The following ZC3H11A variants were observed in gnomAD, a reference collection of about 807,000 sequenced individuals.
ZC3H11A encodes the protein zinc finger CCCH-type containing 11A, also known as zinc finger CCCH domain-containing protein 11A.
A neutral mutation model predicts 90.8 loss-of-function variants in ZC3H11A; 22 were observed. The observed-to-expected ratio is 0.24, with a 90% CI of 0.17 to 0.35. The LOEUF (loss-of-function observed/expected upper bound fraction) is 0.35, where lower values mean the gene tolerates loss of function less well. ZC3H11A is among the 10% of genes least tolerant of loss of function. The pLI is 1.00. For synonymous variants in ZC3H11A, 294 were observed against 339.8 expected (o/e 0.87, Z 1.48); for missense variants, 701 against 964.9 (o/e 0.73, Z 3.62).
chr1:203,847,753 G>T (rs981668747), intron 13 of ZC3H11A, 66 bp downstream of exon 13: 1 of 1,552,870 alleles, frequency 6.4e-7, no homozygotes, highest in African/African-American at 1.4e-5. Flanking sequence ...TGTTCCGTGG[G>T]ATCTTCCTAG....
At chr1:203,846,850 A>G (rs1263382308) in intron 12 of ZC3H11A, among the ~76,000 whole-genome samples, 1 of 152,034 alleles carries the variant, frequency 6.6e-6, no homozygotes, top group African/African-American at 2.4e-5. Flanking sequence ...TTGAAATAGA[A>G]ACAATTAGCC....
At chr1:203,838,348 T>C (rs1685016673) in intron 11 of ZC3H11A, among the ~76,000 whole-genome samples, 1 of 152,246 alleles carries the variant, frequency 6.6e-6, no homozygotes, top group Non-Finnish European at 1.5e-5. Context: ...CACAGTGTTA[T>C]GGTAACACAT....
intron 4 of ZC3H11A, among the ~76,000 whole-genome samples, chr1:203,826,551 C>T (rs572340226): frequency 1.3e-5 from 2 of 152,194 alleles, no homozygotes; most frequent in Admixed American, 1.3e-4. Context: ...CTTCCACGTC[C>T]CTGAAAACAG....
At chr1:203,804,448 G>A (rs192655796) in intron 2 of ZC3H11A, among the ~76,000 whole-genome samples, 15 of 152,016 alleles carry the variant, frequency 9.9e-5, no homozygotes, top group Admixed American at 8.5e-4. Context: ...CACCACGCCC[G>A]GCCCTTCCTG....
At chr1:203,844,029 G>A (rs1478269941) in intron 12 of ZC3H11A, among the ~76,000 whole-genome samples, 3 of 151,364 alleles carry the variant, frequency 2.0e-5, no homozygotes, top group Admixed American at 2.0e-4. Flanking sequence ...GGCTAATTTT[G>A]TATTTTTAGT....
intron 2 of ZC3H11A, chr1:203,805,665 C>T (rs7532505): frequency 0.14 from 95,640 of 702,590 alleles, 9,002 homozygotes; most frequent in Admixed American, 0.32. Context: ...ACCAGAACTC[C>T]ATCCTTGTTT....
chr1:203,847,461 T>A lies in ZC3H11A; in HGVS notation c.1320T>A (p.Ile440=), dbSNP rs1688198573. 6.2e-7 allele frequency: 1 copy of A among 1,613,714 alleles called. No individual in the cohort carries two copies. Among genetic ancestry groups the A allele is most frequent in the Non-Finnish European group, 8.5e-7 (1 of 1,179,842 alleles). Residue 440 remains isoleucine, a synonymous_variant, in exon 13 of 18, where the codon ATT becomes ATA. Coordinates refer to ENST00000367210, the MANE Select transcript of ZC3H11A (RefSeq NM_001376342.1). ...TCAAGCTAAAGATTGATAGTGAAAT[T>A]AAAAAAACAGTAGTTTTGCCACCCA... is the stretch of plus-strand genomic sequence containing the variant. ...TCIKLKIDSE[I]KKTVVLPPIV... is the part of the protein sequence containing the mutation.
At chr1:203,796,472 G>T in intron 1 of ZC3H11A, 1 of 399,022 alleles carries the variant, frequency 2.5e-6, no homozygotes, top group South Asian at 1.3e-4. Context: ...CCGTAATGAA[G>T]AACACCCCTA....
chr1:203,819,067 C>CA (rs747588582), intron 4 of ZC3H11A, among the ~76,000 whole-genome samples: 31 of 97,214 alleles, frequency 3.2e-4, no homozygotes, highest in Admixed American at 5.5e-4. Context: ...CACTCCGTCT[C>CA]AAAAAAAAAA....
intron 1 of ZC3H11A, chr1:203,797,507 T>G: frequency 1.4e-6 from 2 of 1,475,152 alleles, no homozygotes; most frequent in Non-Finnish European, 1.8e-6. Flanking sequence ...GTACGAATTG[T>G]GGAGACATAA....
intron 11 of ZC3H11A, among the ~76,000 whole-genome samples, 156 bp from the exon 12 acceptor site, chr1:203,840,150 G>T (rs532589798): frequency 1.3e-5 from 2 of 150,334 alleles, no homozygotes; most frequent in East Asian, 2.0e-4. Flanking sequence ...TGTTGGCCAG[G>T]CTGGCCTTGA....
At position 203,800,434 on chromosome 1, in the gene ZC3H11A, A is replaced by G. The variant is rs1034167533; in HGVS notation, c.-1587-1141A>G. 109 of 1,453,444 alleles carry G rather than the reference A, an allele frequency of 7.5e-5. No homozygotes were observed. In the African/African-American group the frequency reaches 1.4e-3, roughly 19 times the overall value. The allele number at this position is 1,453,444 out of a possible 1,614,324, so 90.0% of individuals were successfully genotyped here. A position where few individuals can be genotyped will look rare whatever the true frequency, so the allele number is the denominator to read the frequency against. ...GATCCTGAGCAGAATGAAGTTGTTCAAAGCAGTGAAAAAGAAATACTGCCT... is the reference window on the plus strand; with the variant it reads ...GATCCTGAGCAGAATGAAGTTGTTCGAAGCAGTGAAAAAGAAATACTGCCT... On this transcript the variant is annotated intron_variant, in intron 1 of 17. Transcript: ENST00000367210.
chr1:203,815,971 A>G (rs1413942972), intron 2 of ZC3H11A, among the ~76,000 whole-genome samples: 1 of 152,216 alleles, frequency 6.6e-6, no homozygotes, highest in Non-Finnish European at 1.5e-5. Context: ...AATCACTATT[A>G]TGGAAAGCCC....
intron 2 of ZC3H11A, among the ~76,000 whole-genome samples, chr1:203,815,858 A>G (rs144679004): frequency 6.6e-6 from 1 of 152,274 alleles, no homozygotes; most frequent in East Asian, 1.9e-4. Flanking sequence ...ATATTCTCGT[A>G]TGTGCTTTTG....
At chr1:203,851,007 A>C in intron 16 of ZC3H11A, 50 bp from the exon 17 acceptor site, 7 of 1,594,536 alleles carry the variant, frequency 4.4e-6, no homozygotes, top group Non-Finnish European at 6.0e-6. Flanking sequence ...GAATATGCTC[A>C]AATTAAAAAG....
intron 4 of ZC3H11A, among the ~76,000 whole-genome samples, chr1:203,819,261 G>C (rs935983798): frequency 1.5e-5 from 2 of 136,532 alleles, no homozygotes; most frequent in Non-Finnish European, 3.1e-5. Flanking sequence ...TCACTCTGTC[G>C]CCCACGCTGG....
intron 1 of ZC3H11A, chr1:203,798,075 A>G: frequency 6.5e-7 from 1 of 1,536,118 alleles, no homozygotes; most frequent in Non-Finnish European, 8.7e-7. Context: ...ACCTCATTGG[A>G]CCAGGGCCAA....
chr1:203,852,408 G>A lies in ZC3H11A; in HGVS notation c.*9G>A, dbSNP rs766349499. 5.6e-6 allele frequency: 9 copies of A among 1,611,088 alleles called. No homozygotes were observed. The highest frequency in any genetic ancestry group is 7.6e-6 in the Non-Finnish European group (9 of 1,179,120). On this transcript the variant is annotated 3_prime_UTR_variant, in exon 18 of 18. Coordinates refer to ENST00000367210, the MANE Select transcript of ZC3H11A (RefSeq NM_001376342.1). The stretch of plus-strand genomic sequence containing the variant: ...AAATGATTGATAGCTGAAGGTGGTA[G>A]TGAGGACACTTTAAAAAAAAAATCG...
chr1:203,841,432 T>A (rs1480312230), intron 12 of ZC3H11A, among the ~76,000 whole-genome samples: 1 of 152,076 alleles, frequency 6.6e-6, no homozygotes, highest in East Asian at 1.9e-4. Flanking sequence ...TTTAACCCTG[T>A]GTGGACACAG....
Sources: allele counts gnomAD v4.1 joint callset (sites outside exome capture counted in the v4.1 genomes callset), GRCh38; gene constraint gnomAD v4.1.1; transcripts MANE v1.5; gene names NCBI Gene and HGNC (gene_info 2026-07-23, HGNC 2026-07-21).